CAMKMT: variants seen among roughly 807,000 people sequenced by gnomAD.
CAMKMT encodes calmodulin-lysine N-methyltransferase.
CAMKMT carries 53 observed loss-of-function variants against 48.0 expected under a neutral mutation model. The ratio of observed to expected loss-of-function variants is 1.10; its 90% CI spans 0.89 to 1.39. CAMKMT has a LOEUF of 1.39. Among genes scored for constraint, CAMKMT ranks in the 40% most tolerant of loss-of-function variants. CAMKMT has a pLI of 0.00. For synonymous variants in CAMKMT, 165 were observed against 152.3 expected (o/e 1.08, Z -0.61); for missense variants, 428 against 402.7 (o/e 1.06, Z -0.54).
At chr2:44,575,839 A>C (rs931440442) in intron 3 of CAMKMT, among the ~76,000 whole-genome samples, 1 of 151,966 alleles carries the variant, frequency 6.6e-6, no homozygotes, top group Admixed American at 6.6e-5. Context: ...AGTCTCGGTG[A>C]CGGTGAGACC....
chr2:44,670,853 C>A (rs74792067), intron 3 of CAMKMT, among the ~76,000 whole-genome samples: 1 of 152,128 alleles, frequency 6.6e-6, no homozygotes, highest in Non-Finnish European at 1.5e-5. Context: ...TTCTGAACAT[C>A]TTTCGCCAAT....
intron 3 of CAMKMT, among the ~76,000 whole-genome samples, chr2:44,543,408 T>C (rs1667236016): frequency 6.6e-6 from 1 of 152,190 alleles, no homozygotes; most frequent in Admixed American, 6.5e-5. Flanking sequence ...AGTTATGCTT[T>C]TAATTTTAAT....
intron 2 of CAMKMT, among the ~76,000 whole-genome samples, chr2:44,387,396 G>A: frequency 6.6e-6 from 1 of 152,080 alleles, no homozygotes; most frequent in East Asian, 1.9e-4. Context: ...TAAGTTAAGT[G>A]TGAGTCCTTA....
At chr2:44,487,186 G>A (rs917500072) in intron 3 of CAMKMT, among the ~76,000 whole-genome samples, 3 of 151,834 alleles carry the variant, frequency 2.0e-5, no homozygotes, top group African/African-American at 7.2e-5. Flanking sequence ...TTCACTGTTA[G>A]AACAAACTAC....
At chr2:44,675,921 A>G (rs1004748130) in intron 3 of CAMKMT, among the ~76,000 whole-genome samples, 1 of 152,200 alleles carries the variant, frequency 6.6e-6, no homozygotes, top group African/African-American at 2.4e-5. Flanking sequence ...AAAATTGTAC[A>G]GTATTTTTCT....
intron 3 of CAMKMT, among the ~76,000 whole-genome samples, chr2:44,576,487 C>T (rs556834971): frequency 4.6e-5 from 7 of 152,150 alleles, no homozygotes; most frequent in Admixed American, 1.3e-4. Context: ...GGGAAGCAGT[C>T]ATCTGCTAAA....
intron 5 of CAMKMT, among the ~76,000 whole-genome samples, chr2:44,706,780 G>A (rs1677589320): frequency 6.6e-6 from 1 of 151,934 alleles, no homozygotes; most frequent in Non-Finnish European, 1.5e-5. Flanking sequence ...GAATTAGATT[G>A]GCCATTCAGG....
intron 3 of CAMKMT, among the ~76,000 whole-genome samples, chr2:44,512,353 A>T (rs1670606529): frequency 1.3e-5 from 2 of 152,236 alleles, no homozygotes; most frequent in Non-Finnish European, 2.9e-5. Context: ...AAATAAGAAA[A>T]CATATAAAGC....
chr2:44,412,255 T>A (rs2104481183), intron 3 of CAMKMT, among the ~76,000 whole-genome samples: 1 of 152,286 alleles, frequency 6.6e-6, no homozygotes, highest in Admixed American at 6.5e-5. Flanking sequence ...ACAATGGGGG[T>A]TCAAACCAAA....
chr2:44,525,228 C>A (rs2104809914), intron 3 of CAMKMT, among the ~76,000 whole-genome samples: 1 of 152,186 alleles, frequency 6.6e-6, no homozygotes, highest in African/African-American at 2.4e-5. Flanking sequence ...CCAACAGTAA[C>A]TATTATAAAA....
At chr2:44,409,405 T>C (rs888408402) in intron 3 of CAMKMT, among the ~76,000 whole-genome samples, 45 of 152,106 alleles carry the variant, frequency 3.0e-4, no homozygotes, top group African/African-American at 9.9e-4. Context: ...GGTTGTATGA[T>C]TTACAAATTA....
intron 3 of CAMKMT, among the ~76,000 whole-genome samples, chr2:44,555,893 GAGGT>G (rs1368130220): frequency 2.0e-5 from 3 of 152,146 alleles, no homozygotes; most frequent in Non-Finnish European, 2.9e-5. Context: ...TAGCAACAAA[GAGGT>G]CATTATTGAT....
In CAMKMT at chr2:44,558,824, T is replaced by G. The variant is rs112446763; in HGVS notation, c.377-145459T>G. ...AGGTGAGGGTTCAAAAACTAACTAT[T>G]GGGTATTATGTTCACTACCTTGGTG... On this transcript the variant is annotated intron_variant, in intron 3 of 10. Coordinates refer to ENST00000378494, the MANE Select transcript of CAMKMT (RefSeq NM_024766.5). Among the ~76,000 whole-genome samples, 285 of 152,232 alleles carry G rather than the reference T, an allele frequency of 1.9e-3. 1 individual carries two copies. The Middle Eastern group carries it at 0.027, about 15-fold the overall frequency.
At chr2:44,693,887 G>A (rs1268383727) in intron 3 of CAMKMT, among the ~76,000 whole-genome samples, 1 of 152,190 alleles carries the variant, frequency 6.6e-6, no homozygotes, top group African/African-American at 2.4e-5. Context: ...TCAGATTTGA[G>A]AGAGGCCTTT....
At chr2:44,528,038 G>A (rs987419857) in intron 3 of CAMKMT, among the ~76,000 whole-genome samples, 9 of 152,116 alleles carry the variant, frequency 5.9e-5, no homozygotes, top group African/African-American at 1.9e-4. Flanking sequence ...AAAAACTACA[G>A]AATTACAGAA....
At chr2:44,648,872 G>A (rs994479191) in intron 3 of CAMKMT, among the ~76,000 whole-genome samples, 5 of 152,182 alleles carry the variant, frequency 3.3e-5, no homozygotes, top group Non-Finnish European at 7.3e-5. Context: ...ACATGAGCCA[G>A]CTAGGTGAAC....
At chr2:44,524,406 G>C (rs1671293217) in intron 3 of CAMKMT, among the ~76,000 whole-genome samples, 1 of 152,062 alleles carries the variant, frequency 6.6e-6, no homozygotes, top group African/African-American at 2.4e-5. Flanking sequence ...TTAAGAATGG[G>C]AACATTTCTA....
chr2:44,616,101 G>A (rs904195259), intron 3 of CAMKMT, among the ~76,000 whole-genome samples: 3 of 152,152 alleles, frequency 2.0e-5, no homozygotes, highest in Non-Finnish European at 4.4e-5. Context: ...CCTGTGGATT[G>A]TCCTTGAAAT....
chr2:44,629,690 G>A (rs1289837717), intron 3 of CAMKMT, among the ~76,000 whole-genome samples: 1 of 151,962 alleles, frequency 6.6e-6, no homozygotes, highest in East Asian at 1.9e-4. Context: ...CCTTACAATG[G>A]ACATGAAGGA....
Sources: gnomAD v4.1 joint callset for allele counts (sites outside exome capture counted in the v4.1 genomes callset) on GRCh38, gnomAD v4.1.1 for gene constraint, MANE v1.5 for transcripts, NCBI Gene and HGNC (gene_info 2026-07-23, HGNC 2026-07-21) for gene names.